Variants in CDYL2 observed in about 807,000 individuals in gnomAD.
CDYL2 encodes the protein chromodomain Y-like protein 2.
Under a neutral mutation model 49.4 loss-of-function variants are expected in CDYL2, and 23 were observed. The observed-to-expected ratio is 0.47, with a 90% CI of 0.34 to 0.66. The LOEUF (loss-of-function observed/expected upper bound fraction) is 0.66. CDYL2 is among the 30% of genes least tolerant of loss of function. The probability of loss-of-function intolerance (pLI) is 0.01; values close to 1 mark genes in which losing one functional copy is unlikely to be tolerated. For synonymous variants in CDYL2, 360 were observed against 268.8 expected (o/e 1.34, Z -3.32); for missense variants, 678 against 656.4 (o/e 1.03, Z -0.36).
chr16:80,739,748 G>A (rs1272780620), intron 1 of CDYL2, among the ~76,000 whole-genome samples: 2 of 152,160 alleles, frequency 1.3e-5, no homozygotes, highest in East Asian at 1.9e-4. Flanking sequence ...TCATAGAAGC[G>A]CTGCTCTCAG....
In CDYL2 at chr16:80,684,664, C is replaced by G. The variant is rs1422120536; in HGVS notation, c.490G>C (p.Glu164Gln). The change falls in exon 2 of 7, where the codon GAG becomes CAG. Residue 164 changes from glutamate (E) to glutamine (Q), a missense_variant. By Grantham distance (29) the Glu-to-Gln change is conservative. Coordinates refer to ENST00000570137, the MANE Select transcript of CDYL2 (RefSeq NM_152342.4). The part of the protein sequence containing the change: ...NGMENGDAGS[E>Q]KDERHFGNGS... ...TTTCCAAAGTGCCTCTCATCCTTCT[C>G]AGAGCCGGCGTCCCCATTTTCCATC... The G allele has an allele frequency of 1.9e-6, 3 of 1,614,236 alleles. No individual in the cohort carries two copies. The highest frequency in any genetic ancestry group is 1.1e-5 in the South Asian group (1 of 91,086).
intron 2 of CDYL2, among the ~76,000 whole-genome samples, chr16:80,660,852 G>A (rs936332133): frequency 2.6e-5 from 4 of 152,154 alleles, no homozygotes; most frequent in African/African-American, 9.7e-5. Context: ...TGGTCTACAT[G>A]CAGCAACAAA....
chr16:80,644,171 C>G (rs547355392), intron 2 of CDYL2, among the ~76,000 whole-genome samples: 3 of 152,228 alleles, frequency 2.0e-5, no homozygotes, highest in Non-Finnish European at 4.4e-5. Flanking sequence ...ATCTCTAAGG[C>G]AGGGGCAAAA....
At chr16:80,761,247 A>G (rs1906518476) in intron 1 of CDYL2, among the ~76,000 whole-genome samples, 1 of 152,102 alleles carries the variant, frequency 6.6e-6, no homozygotes, top group African/African-American at 2.4e-5. Flanking sequence ...TCCAGGTTGA[A>G]CCACCTGTGG....
intron 1 of CDYL2, among the ~76,000 whole-genome samples, chr16:80,745,198 G>C (rs553469982): frequency 9.1e-4 from 139 of 152,300 alleles, no homozygotes; most frequent in Middle Eastern, 3.4e-3. Context: ...GGGTCCCCCA[G>C]CTAGAATGCA....
intron 2 of CDYL2, among the ~76,000 whole-genome samples, chr16:80,682,890 C>G (rs1307536288): frequency 6.6e-6 from 1 of 152,194 alleles, no homozygotes; most frequent in East Asian, 1.9e-4. Context: ...GTCACGTCAG[C>G]GTCAGGGATC....
intron 1 of CDYL2, among the ~76,000 whole-genome samples, chr16:80,802,701 G>A (rs1907962302): frequency 6.6e-6 from 1 of 152,152 alleles, no homozygotes; most frequent in Admixed American, 6.5e-5. Context: ...ACCAACTCCA[G>A]AATCATTCAC....
At chr16:80,654,772 C>G (rs1908732965) in intron 2 of CDYL2, among the ~76,000 whole-genome samples, 2 of 152,232 alleles carry the variant, frequency 1.3e-5, no homozygotes, top group Non-Finnish European at 2.9e-5. Context: ...TGTGAAGCCC[C>G]AGTTTTGTAT....
At chr16:80,719,344 T>C (rs1904921034) in intron 1 of CDYL2, among the ~76,000 whole-genome samples, 1 of 152,130 alleles carries the variant, frequency 6.6e-6, no homozygotes, top group Non-Finnish European at 1.5e-5. Flanking sequence ...CGTTTCTCCA[T>C]TTGTAAATGG....
chr16:80,722,656 A>G (rs1905037264), intron 1 of CDYL2, among the ~76,000 whole-genome samples: 1 of 152,232 alleles, frequency 6.6e-6, no homozygotes, highest in African/African-American at 2.4e-5. Context: ...AGAGGAAGAA[A>G]CTGACAGACA....
intron 2 of CDYL2, among the ~76,000 whole-genome samples, chr16:80,682,292 G>A (rs1453403888): frequency 6.6e-6 from 1 of 152,152 alleles, no homozygotes; most frequent in Non-Finnish European, 1.5e-5. Flanking sequence ...GCAAATATGA[G>A]GAAGATAAGA....
At chr16:80,647,555 T>A (rs879429246) in intron 2 of CDYL2, among the ~76,000 whole-genome samples, 5 of 152,162 alleles carry the variant, frequency 3.3e-5, no homozygotes, top group Non-Finnish European at 7.4e-5. Flanking sequence ...GCAAATATTA[T>A]TAGAGCTAAA....
chr16:80,618,567 G>A (rs939705458), intron 4 of CDYL2, among the ~76,000 whole-genome samples: 1 of 152,188 alleles, frequency 6.6e-6, no homozygotes, highest in African/African-American at 2.4e-5. Context: ...TCCATCATGA[G>A]ACCTGACCCC....
chr16:80,621,673 A>T (rs1285066970), intron 3 of CDYL2, among the ~76,000 whole-genome samples: 1 of 152,244 alleles, frequency 6.6e-6, no homozygotes, highest in Non-Finnish European at 1.5e-5. Context: ...AATTCTGGAT[A>T]AAAGGCATTT....
chr16:80,684,616 C>A lies in CDYL2; in HGVS notation c.538G>T (p.Asp180Tyr), dbSNP rs1371109399. Reference protein sequence around the residue: ...FGNGSHQPGLDLNDHVGEQDM... With the variant: ...FGNGSHQPGLYLNDHVGEQDM... ...TGCTCTCCAACATGATCATTCAAATCCAAGCCAGGCTGATGGGACCCATTT... is the reference window on the plus strand; with the variant it reads ...TGCTCTCCAACATGATCATTCAAATACAAGCCAGGCTGATGGGACCCATTT... Residue 180 changes from aspartate to tyrosine, a missense_variant, in exon 2 of 7, where the codon GAT (aspartate) becomes TAT (tyrosine). Asp to Tyr is a radical substitution (Grantham distance 160). Transcript: ENST00000570137. The A allele has an allele frequency of 6.2e-7, 1 of 1,614,204 alleles. No individual in the cohort carries two copies. Among genetic ancestry groups the A allele is most frequent in the South Asian group, 1.1e-5 (1 of 91,080 alleles).
At chr16:80,608,273 A>T (rs1180637288) in intron 5 of CDYL2, 38 bp from the exon 6 acceptor site, 2 of 1,524,434 alleles carry the variant, frequency 1.3e-6, no homozygotes, top group Non-Finnish European at 8.8e-7. Context: ...GAGGGCCTGG[A>T]GGTCCACCCA....
At chr16:80,653,229 G>C (rs1304187775) in intron 2 of CDYL2, among the ~76,000 whole-genome samples, 1 of 152,206 alleles carries the variant, frequency 6.6e-6, no homozygotes, top group Non-Finnish European at 1.5e-5. Flanking sequence ...ACTTTGGGAG[G>C]CCAAGGCAGG....
intron 2 of CDYL2, among the ~76,000 whole-genome samples, chr16:80,676,340 T>G (rs927622959): frequency 2.6e-5 from 4 of 151,960 alleles, no homozygotes; most frequent in Admixed American, 2.6e-4. Context: ...GGCCTGGGGG[T>G]GGGTACTTGA....
At chr16:80,658,554 G>A (rs1908905890) in intron 2 of CDYL2, among the ~76,000 whole-genome samples, 1 of 152,130 alleles carries the variant, frequency 6.6e-6, no homozygotes, top group Admixed American at 6.5e-5. Context: ...TGATATTGTG[G>A]AGAAATAGGA....
Sources: allele counts gnomAD v4.1 joint callset (sites outside exome capture counted in the v4.1 genomes callset), GRCh38; gene constraint gnomAD v4.1.1; transcripts MANE v1.5; gene names NCBI Gene and HGNC (gene_info 2026-07-23, HGNC 2026-07-21).